ARHGAP24: variants seen among roughly 807,000 people sequenced by gnomAD.
ARHGAP24 encodes rho GTPase-activating protein 24.
ARHGAP24 carries 50 observed loss-of-function variants against 76.4 expected under a neutral mutation model. The ratio of observed to expected loss-of-function variants is 0.65; its 90% CI spans 0.52 to 0.83. The LOEUF is 0.83. Among genes scored for constraint, ARHGAP24 ranks in the 40% least tolerant of loss-of-function variants. The probability of loss-of-function intolerance (pLI) is 0.00; values close to 1 mark genes in which losing one functional copy is unlikely to be tolerated. For synonymous variants in ARHGAP24, 345 were observed against 323.3 expected (o/e 1.07, Z -0.72); for missense variants, 930 against 914.2 (o/e 1.02, Z -0.22).
chr4:85,867,887 G>A (rs1051719017), intron 3 of ARHGAP24, among the ~76,000 whole-genome samples: 39 of 52,370 alleles, frequency 7.4e-4, no homozygotes, highest in African/African-American at 1.9e-3. Context: ...CATATATAAT[G>A]TGTGTGTGTA....
At chr4:85,847,248 T>C (rs1322014252) in intron 3 of ARHGAP24, among the ~76,000 whole-genome samples, 1 of 152,020 alleles carries the variant, frequency 6.6e-6, no homozygotes, top group Non-Finnish European at 1.5e-5. Flanking sequence ...GCTTGATTCA[T>C]TTTTTTTCAT....
In ARHGAP24 at chr4:85,816,639, T is replaced by C. The variant is rs917496365; in HGVS notation, c.268+94667T>C. Among the ~76,000 whole-genome samples, 4 of 152,196 alleles carry C rather than the reference T, an allele frequency of 2.6e-5. No homozygotes were observed. The South Asian group carries it at 8.3e-4, about 31-fold the overall frequency. On this transcript the variant is annotated intron_variant, in intron 3 of 9. Coordinates refer to ENST00000395184, the MANE Select transcript of ARHGAP24 (RefSeq NM_001025616.3). ...TGATCGTATGGTCATTTGGTATACA[T>C]ATATGTATAACACATTTTTTATATC... is the stretch of plus-strand genomic sequence containing the variant.
chr4:85,483,042 G>T (rs1722878612), intron 1 of ARHGAP24, among the ~76,000 whole-genome samples: 1 of 152,000 alleles, frequency 6.6e-6, no homozygotes, highest in African/African-American at 2.4e-5. Flanking sequence ...CTTATATATG[G>T]GCATTTAATG....
intron 2 of ARHGAP24, among the ~76,000 whole-genome samples, chr4:85,668,937 G>A (rs1204899068): frequency 6.6e-6 from 1 of 152,206 alleles, no homozygotes; most frequent in Non-Finnish European, 1.5e-5. Context: ...AGACAGGAGA[G>A]TCTGAACTAA....
At chr4:85,957,898 T>G (rs1003717985) in intron 5 of ARHGAP24, among the ~76,000 whole-genome samples, 29 of 150,856 alleles carry the variant, frequency 1.9e-4, no homozygotes, top group African/African-American at 7.2e-4. Context: ...CTCTGTGATA[T>G]ATCTAAAAAG....
intron 3 of ARHGAP24, among the ~76,000 whole-genome samples, chr4:85,777,779 G>GTGAA (rs34791496): frequency 0.75 from 113,146 of 151,500 alleles, 44,074 homozygotes; most frequent in Non-Finnish European, 0.87. Context: ...TGTTAAATAA[G>GTGAA]TGAATGAATG....
intron 3 of ARHGAP24, chr4:85,827,998 T>C (rs1729804568): frequency 7.8e-7 from 1 of 1,288,028 alleles, no homozygotes; most frequent in East Asian, 5.6e-5. Flanking sequence ...TGCTTTGTTC[T>C]TAATTTGGAG....
intron 8 of ARHGAP24, among the ~76,000 whole-genome samples, chr4:85,984,762 C>T (rs1202985476): frequency 1.3e-5 from 2 of 152,158 alleles, no homozygotes; most frequent in East Asian, 3.8e-4. Flanking sequence ...TCTTTGATAA[C>T]TATTGAGCAA....
intron 5 of ARHGAP24, among the ~76,000 whole-genome samples, chr4:85,958,128 A>G (rs1485752943): frequency 1.3e-5 from 2 of 152,332 alleles, no homozygotes; most frequent in Non-Finnish European, 1.5e-5. Context: ...CATGACAGAA[A>G]AATGTGGGAC....
intron 5 of ARHGAP24, among the ~76,000 whole-genome samples, chr4:85,947,621 G>T (rs559091460): frequency 6.6e-6 from 1 of 152,312 alleles, no homozygotes; most frequent in East Asian, 1.9e-4. Context: ...CACATGGTGA[G>T]TATGCAAACG....
intron 4 of ARHGAP24, among the ~76,000 whole-genome samples, 157 bp downstream of exon 4, chr4:85,923,927 G>A (rs1162027790): frequency 1.3e-5 from 2 of 152,092 alleles, no homozygotes; most frequent in Non-Finnish European, 2.9e-5. Flanking sequence ...GTATGTCTTC[G>A]TAAATCCTAC....
At chr4:85,510,746 A>G (rs866651990) in intron 1 of ARHGAP24, among the ~76,000 whole-genome samples, 1 of 149,560 alleles carries the variant, frequency 6.7e-6, no homozygotes, top group African/African-American at 2.5e-5. Flanking sequence ...CTTCATGGCA[A>G]TAAGTCTTTA....
intron 3 of ARHGAP24, among the ~76,000 whole-genome samples, chr4:85,763,774 T>C (rs1726824517): frequency 6.6e-6 from 1 of 152,164 alleles, no homozygotes; most frequent in South Asian, 2.1e-4. Flanking sequence ...AGTAACAGTC[T>C]TGAGTTTTCA....
At chr4:85,644,241 A>G (rs926578198) in intron 2 of ARHGAP24, among the ~76,000 whole-genome samples, 2 of 152,210 alleles carry the variant, frequency 1.3e-5, no homozygotes, top group Admixed American at 6.5e-5. Flanking sequence ...AGCTTGGCAC[A>G]TAAGAACTGC....
intron 1 of ARHGAP24, among the ~76,000 whole-genome samples, chr4:85,529,706 G>A (rs936925611): frequency 6.6e-6 from 1 of 151,924 alleles, no homozygotes; most frequent in African/African-American, 2.4e-5. Flanking sequence ...AATGTCCTCT[G>A]TGGAGTGGGA....
intron 2 of ARHGAP24, among the ~76,000 whole-genome samples, chr4:85,666,943 T>G (rs7668677): frequency 0.37 from 55,666 of 151,988 alleles, 11,352 homozygotes; most frequent in East Asian, 0.84. Flanking sequence ...TCAGGGGTCA[T>G]GGGTCAGGGA....
intron 2 of ARHGAP24, among the ~76,000 whole-genome samples, chr4:85,573,033 C>A (rs571320885): frequency 6.6e-6 from 1 of 151,874 alleles, no homozygotes; most frequent in Non-Finnish European, 1.5e-5. Context: ...TGCGCCACCA[C>A]ACCCGGCTAA....
At chr4:85,723,201 C>T (rs1410293456) in intron 3 of ARHGAP24, 1 of 152,208 alleles carries the variant, frequency 6.6e-6, no homozygotes, top group African/African-American at 2.4e-5. Context: ...CCGATTTATT[C>T]TCAGACAATA....
chr4:85,670,207 C>T (rs1014646831), intron 2 of ARHGAP24, among the ~76,000 whole-genome samples: 1 of 152,090 alleles, frequency 6.6e-6, no homozygotes, highest in Non-Finnish European at 1.5e-5. Flanking sequence ...CCAGCAAAGA[C>T]AGAAAAGGAG....
Sources: allele counts gnomAD v4.1 joint callset (sites outside exome capture counted in the v4.1 genomes callset), GRCh38; gene constraint gnomAD v4.1.1; transcripts MANE v1.5; gene names NCBI Gene and HGNC (gene_info 2026-07-23, HGNC 2026-07-21).